Variants in MAGI1 observed in about 807,000 individuals in gnomAD.
MAGI1 encodes membrane-associated guanylate kinase, WW and PDZ domain-containing protein 1.
A neutral mutation model predicts 139.9 loss-of-function variants in MAGI1; 58 were observed. The ratio of observed to expected loss-of-function variants is 0.41; its 90% CI spans 0.34 to 0.52. The LOEUF is 0.52. Ranked by LOEUF, MAGI1 falls within the 20% of genes least tolerant of loss-of-function variation. The probability of loss-of-function intolerance (pLI) is 0.12; values close to 1 mark genes in which losing one functional copy is unlikely to be tolerated. For synonymous variants in MAGI1, 812 were observed against 737.9 expected (o/e 1.10, Z -1.63); for missense variants, 1,874 against 1,901.6 (o/e 0.99, Z 0.27).
chr3:65,389,645 A>T (rs1393142656), intron 14 of MAGI1, among the ~76,000 whole-genome samples: 1 of 152,238 alleles, frequency 6.6e-6, no homozygotes, highest in African/African-American at 2.4e-5. Context: ...ATGAGGACAG[A>T]ACCTGGTTCC....
At chr3:65,889,733 G>A (rs1383386714) in intron 1 of MAGI1, among the ~76,000 whole-genome samples, 1 of 152,090 alleles carries the variant, frequency 6.6e-6, no homozygotes, top group Non-Finnish European at 1.5e-5. Context: ...CATCTATTGA[G>A]AGCTACTATA....
intron 1 of MAGI1, among the ~76,000 whole-genome samples, chr3:65,705,155 T>C (rs1482642656): frequency 1.3e-5 from 2 of 152,256 alleles, no homozygotes; most frequent in South Asian, 4.2e-4. Context: ...TAAGTTCTTA[T>C]CAAGGCCTAT....
At chr3:65,506,917 A>G (rs1269761760) in intron 2 of MAGI1, among the ~76,000 whole-genome samples, 2 of 152,240 alleles carry the variant, frequency 1.3e-5, no homozygotes, top group Admixed American at 6.5e-5. Flanking sequence ...TAACAAATAC[A>G]TTCGTTCTCA....
chr3:65,800,395 A>G (rs985428121), intron 1 of MAGI1, among the ~76,000 whole-genome samples: 3 of 152,194 alleles, frequency 2.0e-5, no homozygotes, highest in African/African-American at 7.2e-5. Flanking sequence ...TACACTGAAG[A>G]GTATCTTTTA....
chr3:65,526,837 C>T (rs890347847), intron 2 of MAGI1, among the ~76,000 whole-genome samples: 3 of 152,130 alleles, frequency 2.0e-5, no homozygotes, highest in African/African-American at 7.2e-5. Flanking sequence ...AAAAATTAAA[C>T]GGTCATCCAA....
intron 3 of MAGI1, among the ~76,000 whole-genome samples, chr3:65,490,490 T>C (rs1951926779): frequency 6.6e-6 from 1 of 152,122 alleles, no homozygotes. Flanking sequence ...TTAATAAACA[T>C]TCCATTTGGC....
intron 1 of MAGI1, among the ~76,000 whole-genome samples, chr3:65,627,121 G>T (rs2107116890): frequency 6.6e-6 from 1 of 152,250 alleles, no homozygotes; most frequent in East Asian, 1.9e-4. Context: ...CCTTCTCTAT[G>T]TTTGCATATG....
At chr3:65,719,017 CAA>C (rs57290579) in intron 1 of MAGI1, among the ~76,000 whole-genome samples, 20,565 of 96,138 alleles carry the variant, frequency 0.21, 1,593 homozygotes, top group African/African-American at 0.25. Flanking sequence ...ATAACCCTAC[CAA>C]AAAAAAAAAA....
chr3:65,394,011 C>T (rs917038043), intron 13 of MAGI1, among the ~76,000 whole-genome samples: 1 of 152,042 alleles, frequency 6.6e-6, no homozygotes, highest in African/African-American at 2.4e-5. Context: ...GACCTGTCTC[C>T]CAGAGAAAAT....
chr3:65,661,268 T>C (rs2086175225), intron 1 of MAGI1, among the ~76,000 whole-genome samples: 2 of 152,148 alleles, frequency 1.3e-5, no homozygotes, highest in African/African-American at 2.4e-5. Flanking sequence ...AAAACCCCCA[T>C]TATCATATGT....
chr3:65,397,026 A>G (rs1277513098), intron 13 of MAGI1, among the ~76,000 whole-genome samples: 1 of 152,212 alleles, frequency 6.6e-6, no homozygotes, highest in Non-Finnish European at 1.5e-5. Flanking sequence ...GGGCTCCAAA[A>G]GGCAGAGAAG....
intron 1 of MAGI1, among the ~76,000 whole-genome samples, chr3:66,000,140 T>C (rs745879905): frequency 6.6e-6 from 1 of 151,772 alleles, no homozygotes; most frequent in Non-Finnish European, 1.5e-5. Context: ...GCCCGGCTAA[T>C]TTTCTTTTTG....
At chr3:65,657,732 T>A (rs540432191) in intron 1 of MAGI1, among the ~76,000 whole-genome samples, 1 of 152,178 alleles carries the variant, frequency 6.6e-6, no homozygotes, top group East Asian at 1.9e-4. Flanking sequence ...CTGGTAACAA[T>A]GAAATTTGCT....
Position 65,959,798 on chromosome 3 carries a change from C to CTTTTTT in MAGI1, c.313+78192_313+78197dup. On this transcript the variant is annotated intron_variant, in intron 1 of 22. Coordinates refer to ENST00000402939, the MANE Select transcript of MAGI1 (RefSeq NM_001033057.2). ...TAATGGACAAATAAATAAATTCTCT[C>CTTTTTT]TTTTTTTTTTTTTTTTTTTTTTTTT... 3.0e-3 allele frequency among the ~76,000 whole-genome samples: 178 copies of CTTTTTT among 60,270 alleles called. 13 individuals are homozygous for CTTTTTT. Among genetic ancestry groups the CTTTTTT allele is most frequent in the East Asian group, 7.9e-3 (13 of 1,646 alleles). 39.5% of individuals were successfully genotyped at this position (60,270 alleles called of 152,430 possible). A position where few individuals can be genotyped will look rare whatever the true frequency, so the allele number is the denominator to read the frequency against.
intron 2 of MAGI1, among the ~76,000 whole-genome samples, chr3:65,581,002 G>A (rs1016699978): frequency 6.6e-6 from 1 of 152,010 alleles, no homozygotes; most frequent in African/African-American, 2.4e-5. Context: ...CTGAGCTTAG[G>A]GCAAAAGTCA....
At chr3:65,700,169 C>T (rs1057447459) in intron 1 of MAGI1, among the ~76,000 whole-genome samples, 14 of 152,098 alleles carry the variant, frequency 9.2e-5, no homozygotes, top group South Asian at 2.1e-4. Flanking sequence ...GCAGGCTGGG[C>T]GCGGTGACTC....
Position 65,356,428 on chromosome 3 carries a change from C to G in MAGI1, c.4339G>C (p.Glu1447Gln). 1 of 1,609,102 alleles carries G rather than the reference C, an allele frequency of 6.2e-7. No homozygotes were observed. The highest frequency in any genetic ancestry group is 8.5e-7 in the Non-Finnish European group (1 of 1,178,860). The part of the protein sequence containing the change: ...DAGRSSRHPP[E>Q]QRRRPYKECS... ...TCTTTGTAAGGTCGCCTTCTCTGCT[C>G]CGGGGGATGTCTGGAACTTCTGCCG... is the stretch of plus-strand genomic sequence containing the variant. The change falls in exon 23 of 23, where the codon GAG becomes CAG. Residue 1447 changes from glutamate to glutamine, a missense_variant. Around this residue, in one of 5 missense-constraint regions of MAGI1, gnomAD observed 653 missense variants for 644.5 expected, o/e 1.01. Transcript: ENST00000402939.
At chr3:65,802,603 G>A (rs1029884821) in intron 1 of MAGI1, among the ~76,000 whole-genome samples, 9 of 152,122 alleles carry the variant, frequency 5.9e-5, no homozygotes, top group Non-Finnish European at 2.9e-5. Context: ...TATCAATTCA[G>A]TTCAATTATC....
chr3:65,432,467 T>C (rs1947530264), intron 10 of MAGI1, among the ~76,000 whole-genome samples: 2 of 152,204 alleles, frequency 1.3e-5, no homozygotes, highest in South Asian at 2.1e-4. Flanking sequence ...CAATTTTTAA[T>C]TGCATATTTT....
Sources: gnomAD v4.1 joint callset for allele counts (sites outside exome capture counted in the v4.1 genomes callset) on GRCh38, gnomAD v4.1.1 for gene constraint, gnomAD v4.1.1 regional missense constraint, MANE v1.5 for transcripts, NCBI Gene and HGNC (gene_info 2026-07-23, HGNC 2026-07-21) for gene names.